The following DNAH10 variants were observed in gnomAD, a reference collection of about 807,000 sequenced individuals.
DNAH10 encodes the protein dynein axonemal heavy chain 10, also known as axonemal beta dynein heavy chain 10.
DNAH10 carries 348 observed loss-of-function variants against 506.6 expected under a neutral mutation model. That is an observed-to-expected ratio of 0.69 (90% confidence interval 0.63 to 0.75). DNAH10 has a LOEUF of 0.75. Among genes scored for constraint, DNAH10 ranks in the 30% least tolerant of loss-of-function variants. The pLI, the probability that DNAH10 is intolerant of heterozygous loss-of-function variation, is 0.00. For missense variants in DNAH10, 5,179 were observed against 5,787.1 expected, an observed-to-expected ratio of 0.89 and a Z score of 3.41; for synonymous variants, 2,059 against 2,198.6, an observed-to-expected ratio of 0.94 and a Z score of 1.78.
intron 36 of DNAH10, 33 bp from the exon 37 acceptor site, chr12:123,857,023 A>G (rs777027553): frequency 6.4e-7 from 1 of 1,571,110 alleles, no homozygotes; most frequent in Non-Finnish European, 8.6e-7. Flanking sequence ...TCCTTTGGAA[A>G]TCTCTTGGAA....
Position 123,928,839 on chromosome 12 carries a change from T to C in DNAH10, c.12306+252T>C. 1 of 541,882 alleles carries C rather than the reference T, an allele frequency of 1.8e-6. No homozygotes were observed. 33.6% of individuals were successfully genotyped at this position (541,882 alleles called of 1,614,324 possible). On this transcript the variant is annotated intron_variant, in intron 70 of 78. Coordinates refer to ENST00000673944, the MANE Select transcript of DNAH10 (RefSeq NM_001372106.1). The surrounding 1 kb of genome is among the most constrained non-coding windows in gnomAD (Gnocchi z 4.9). The stretch of plus-strand genomic sequence containing the variant: ...GTGTCCCTAACAATATCTACGCTAC[T>C]TTTCATAAACTTCACGGCCCCCCCC...
At chr12:123,883,887 G>A (rs898179993) in intron 51 of DNAH10, among the ~76,000 whole-genome samples, 1 of 152,038 alleles carries the variant, frequency 6.6e-6, no homozygotes, top group Non-Finnish European at 1.5e-5. Flanking sequence ...TGCAGGACGG[G>A]ATCTGTATTC....
intron 46 of DNAH10, among the ~76,000 whole-genome samples, chr12:123,874,461 A>G (rs527503594): frequency 1.3e-5 from 2 of 151,714 alleles, no homozygotes; most frequent in Non-Finnish European, 2.9e-5. Flanking sequence ...CTATCCATCT[A>G]TTCTTCTTTT....
intron 57 of DNAH10, chr12:123,908,509 G>A: frequency 2.2e-6 from 1 of 456,126 alleles, no homozygotes; most frequent in Non-Finnish European, 4.4e-6. Context: ...CGTGGTCTGG[G>A]AGACTCCTGT....
chr12:123,896,811 A>G (rs925893045), intron 54 of DNAH10, among the ~76,000 whole-genome samples: 2 of 151,708 alleles, frequency 1.3e-5, no homozygotes, highest in Admixed American at 1.3e-4. Context: ...TTCTTGTCCT[A>G]TTAAAAACTT....
intron 25 of DNAH10, 38 bp downstream of exon 25, chr12:123,826,936 G>A: frequency 6.4e-7 from 1 of 1,551,716 alleles, no homozygotes; most frequent in Non-Finnish European, 8.7e-7. Flanking sequence ...TAAAAGTGTG[G>A]GAGGAGCTTT....
chr12:123,928,610 A>C lies in DNAH10; in HGVS notation c.12306+23A>C. 6.3e-7 allele frequency: 1 copy of C among 1,574,912 alleles called. No homozygotes were observed. The highest frequency in any genetic ancestry group is 8.6e-7 in the Non-Finnish European group (1 of 1,160,304). On this transcript the variant is annotated intron_variant, in intron 70 of 78. Coordinates refer to ENST00000673944, the MANE Select transcript of DNAH10 (RefSeq NM_001372106.1). This position sits in a 1 kb window ranked among gnomAD's most constrained non-coding sequence, Gnocchi z 4.9. ...AAGGTCTGGCTTCAGGATGGACATCAACATGCCAGCACGCAGCTTCTCAGA... is the reference window on the plus strand; with the variant it reads ...AAGGTCTGGCTTCAGGATGGACATCCACATGCCAGCACGCAGCTTCTCAGA...
At chr12:123,838,364 G>A (rs1961399882) in intron 28 of DNAH10, 92 bp from the exon 29 acceptor site, 1 of 1,137,220 alleles carries the variant, frequency 8.8e-7, no homozygotes, top group African/African-American at 1.6e-5. Context: ...GGCCGTGCCT[G>A]GGCTCTGGTG....
chr12:123,934,043 G>A (rs752250997), intron 77 of DNAH10: 1 of 532,132 alleles, frequency 1.9e-6, no homozygotes, highest in Non-Finnish European at 3.4e-6. Context: ...CTTTTGAGAT[G>A]GCTTAAGGAC....
chr12:123,920,365 C>G (rs762523567), intron 65 of DNAH10, among the ~76,000 whole-genome samples: 6 of 152,244 alleles, frequency 3.9e-5, no homozygotes, highest in Non-Finnish European at 8.8e-5. Flanking sequence ...TCTGCCACAA[C>G]TACTCACTTC....
intron 13 of DNAH10, among the ~76,000 whole-genome samples, chr12:123,797,165 C>G (rs913662169): frequency 2.6e-5 from 4 of 152,162 alleles, no homozygotes; most frequent in African/African-American, 9.7e-5. Flanking sequence ...GCCATAGCAC[C>G]CGGCCCTGTA....
At chr12:123,768,847 T>C (rs1426399858) in intron 2 of DNAH10, among the ~76,000 whole-genome samples, 1 of 152,100 alleles carries the variant, frequency 6.6e-6, no homozygotes, top group Non-Finnish European at 1.5e-5. Context: ...CAAGCAATCC[T>C]CCTGACTCAG....
At chr12:123,889,262 T>C (rs921361042) in intron 52 of DNAH10, among the ~76,000 whole-genome samples, 12 of 152,260 alleles carry the variant, frequency 7.9e-5, no homozygotes, top group Non-Finnish European at 1.2e-4. Flanking sequence ...GTTCAAGTTT[T>C]GTTTAGTGTT....
At chr12:123,795,560 C>T (rs752204423) in intron 12 of DNAH10, among the ~76,000 whole-genome samples, 2 of 152,218 alleles carry the variant, frequency 1.3e-5, no homozygotes, top group Admixed American at 6.5e-5. Flanking sequence ...CTCCTCCTTC[C>T]TGTTTTAGGA....
In DNAH10 at chr12:123,853,943, C is replaced by A. The variant is rs746388312; in HGVS notation, c.6438+591C>A. Among the ~76,000 whole-genome samples the A allele has an allele frequency of 6.6e-6, 1 of 151,034 alleles. No homozygotes were observed. Among genetic ancestry groups the A allele is most frequent in the Non-Finnish European group, 1.5e-5 (1 of 67,784 alleles). ...GCACACGCACGCACACGCACACGCA[C>A]ACACACACACATTTGGGTAGTAAAA... On this transcript the variant is annotated intron_variant, in intron 36 of 78. Coordinates refer to ENST00000673944, the MANE Select transcript of DNAH10 (RefSeq NM_001372106.1). This position sits in a 1 kb window ranked among gnomAD's most constrained non-coding sequence, Gnocchi z 4.7.
chr12:123,868,300 G>C (rs952781742), intron 43 of DNAH10, among the ~76,000 whole-genome samples, 181 bp downstream of exon 43: 2 of 152,140 alleles, frequency 1.3e-5, no homozygotes, highest in South Asian at 4.1e-4. Flanking sequence ...CACATGCATT[G>C]ACTGCTGTGA....
chr12:123,887,714 A>G (rs1226278053), intron 52 of DNAH10, among the ~76,000 whole-genome samples: 1 of 151,472 alleles, frequency 6.6e-6, no homozygotes, highest in Non-Finnish European at 1.5e-5. Context: ...GCTTGAGCCC[A>G]GGAGTTTGAG....
intron 47 of DNAH10, among the ~76,000 whole-genome samples, chr12:123,877,171 A>G (rs890958097): frequency 6.6e-6 from 1 of 152,110 alleles, no homozygotes; most frequent in Non-Finnish European, 1.5e-5. Context: ...TTCTGTCTCC[A>G]TGGAGTTTTC....
intron 34 of DNAH10, among the ~76,000 whole-genome samples, chr12:123,849,148 T>A (rs962833338): frequency 2.0e-5 from 3 of 152,178 alleles, no homozygotes; most frequent in Non-Finnish European, 4.4e-5. Flanking sequence ...AGTTCTCAAA[T>A]AAGTGATGTG....
Sources: allele counts gnomAD v4.1 joint callset (sites outside exome capture counted in the v4.1 genomes callset), GRCh38; gene constraint gnomAD v4.1.1; non-coding constraint Gnocchi (gnomAD v3.1); transcripts MANE v1.5; gene names NCBI Gene and HGNC (gene_info 2026-07-23, HGNC 2026-07-21).